RARB: variants seen among roughly 807,000 people sequenced by gnomAD.
The protein encoded by RARB is HBV-activated protein.
Under a neutral mutation model 51.9 loss-of-function variants are expected in RARB, and 17 were observed. That is an observed-to-expected ratio of 0.33 (90% CI 0.22 to 0.49). RARB has a LOEUF of 0.49. RARB is among the 20% of genes least tolerant of loss of function. The pLI, the probability that RARB is intolerant of heterozygous loss-of-function variation, is 0.99. For missense variants in RARB, 369 were observed against 550.8 expected (o/e 0.67, Z 3.30); for synonymous variants, 215 against 195.4 (o/e 1.10, Z -0.84).
At position 25,114,397 on chromosome 3, in the gene RARB, G is replaced by GT. The variant is rs140047943; in HGVS notation, c.-327-17761dup. Reference sequence around the variant, plus strand: ...TGGAAATAATTGAGAGTTTTCACTAGTTTGAAGATGCTCTGAAAGTATCCT... The same window carrying GT: ...TGGAAATAATTGAGAGTTTTCACTAGTTTTGAAGATGCTCTGAAAGTATCCT... On this transcript the variant is annotated intron_variant, in intron 3 of 11. Coordinates refer to the RARB transcript ENST00000383772. Among the ~76,000 whole-genome samples the GT allele has an allele frequency of 3.2e-3, 483 of 152,168 alleles. 3 individuals carry two copies. In the East Asian group the frequency reaches 0.036, roughly 11 times the overall value.
intron 4 of RARB, among the ~76,000 whole-genome samples, chr3:25,169,420 G>T (rs996194810): frequency 1.3e-5 from 2 of 152,060 alleles, no homozygotes; most frequent in African/African-American, 4.8e-5. Context: ...ACTTAGCAAA[G>T]AATTATTCAC....
chr3:25,470,477 T>C (rs927497584), intron 2 of RARB, among the ~76,000 whole-genome samples: 6 of 152,236 alleles, frequency 3.9e-5, no homozygotes, highest in Non-Finnish European at 8.8e-5. Context: ...ATAGAAGATG[T>C]GATTTTATAG....
chr3:24,899,520 G>C (rs1233324609), intron 2 of RARB, among the ~76,000 whole-genome samples: 2 of 152,130 alleles, frequency 1.3e-5, no homozygotes, highest in East Asian at 3.9e-4. Context: ...CTTGACATCA[G>C]TCTCTCTCCC....
intron 5 of RARB, among the ~76,000 whole-genome samples, chr3:25,293,811 G>T (rs1426796161): frequency 1.3e-5 from 2 of 152,072 alleles, no homozygotes; most frequent in Non-Finnish European, 2.9e-5. Context: ...AACTGGTTCT[G>T]CTCACCTACC....
In RARB at chr3:25,123,652, T is replaced by G. The variant is rs532806714; in HGVS notation, c.-327-8509T>G. Reference sequence around the variant, plus strand: ...CCTTGCAAACTAAAAACTTCTTGTTTAAGCTCATCTCTTTCTTGTAATAGC... The same window carrying G: ...CCTTGCAAACTAAAAACTTCTTGTTGAAGCTCATCTCTTTCTTGTAATAGC... On this transcript the variant is annotated intron_variant, in intron 3 of 11. Transcript: ENST00000383772. 7.2e-4 allele frequency among the ~76,000 whole-genome samples: 110 copies of G among 152,300 alleles called. 3 individuals are homozygous for G. The South Asian group carries it at 0.021, about 29-fold the overall frequency.
chr3:24,882,192 G>C (rs758429882), intron 2 of RARB, among the ~76,000 whole-genome samples: 2 of 152,162 alleles, frequency 1.3e-5, no homozygotes, highest in Non-Finnish European at 2.9e-5. Context: ...TTTTAAAGAA[G>C]ATATAGCAGA....
At chr3:25,008,487 C>G (rs192240647) in intron 2 of RARB, among the ~76,000 whole-genome samples, 4 of 152,044 alleles carry the variant, frequency 2.6e-5, no homozygotes, top group Non-Finnish European at 5.9e-5. Flanking sequence ...GAGTAGCTAC[C>G]TTATCCTTTC....
chr3:25,225,268 A>G (rs921868018), intron 5 of RARB, among the ~76,000 whole-genome samples: 2 of 151,742 alleles, frequency 1.3e-5, no homozygotes, highest in Non-Finnish European at 2.9e-5. Flanking sequence ...TTAATTAAAG[A>G]AGACTTCAAG....
intron 3 of RARB, among the ~76,000 whole-genome samples, chr3:25,511,108 A>G (rs939229252): frequency 6.7e-6 from 1 of 150,014 alleles, no homozygotes; most frequent in Admixed American, 6.6e-5. Flanking sequence ...TGACCTGAAA[A>G]CCCTGTTTAT....
intron 5 of RARB, among the ~76,000 whole-genome samples, chr3:25,278,393 C>T (rs1342328053): frequency 6.6e-6 from 1 of 152,202 alleles, no homozygotes; most frequent in Non-Finnish European, 1.5e-5. Flanking sequence ...GACAGTCCAA[C>T]AGCGTTCTTG....
intron 5 of RARB, among the ~76,000 whole-genome samples, chr3:25,190,854 T>C (rs967662014): frequency 1.3e-5 from 2 of 152,116 alleles, no homozygotes; most frequent in African/African-American, 4.8e-5. Context: ...ACTTGGAGTT[T>C]TTATGATGTT....
In RARB at chr3:25,411,960, G is replaced by A. The variant is rs549389847; in HGVS notation, c.179-49233G>A. 8.5e-5 allele frequency among the ~76,000 whole-genome samples: 13 copies of A among 152,350 alleles called. No individual in the cohort carries two copies. The East Asian group carries it at 9.6e-4, about 11-fold the overall frequency. ...TAGGAAGAGGGCAGAAGCAGCTGAC[G>A]TTGGGGAAATGGAAAACTGCAAGTG... is the stretch of plus-strand genomic sequence containing the variant. On this transcript the variant is annotated intron_variant, in intron 5 of 11. Transcript: ENST00000383772.
At chr3:25,398,456 T>C (rs1291009214) in intron 5 of RARB, among the ~76,000 whole-genome samples, 1 of 152,222 alleles carries the variant, frequency 6.6e-6, no homozygotes, top group East Asian at 1.9e-4. Flanking sequence ...AGAAAAGATG[T>C]GCCCAACTTT....
At chr3:25,476,297 C>T (rs549870727) in intron 2 of RARB, among the ~76,000 whole-genome samples, 5 of 152,272 alleles carry the variant, frequency 3.3e-5, no homozygotes, top group African/African-American at 1.2e-4. Context: ...TTCCCATAAC[C>T]ATGTGGTTCT....
chr3:25,328,669 G>A (rs1343170076), intron 5 of RARB, among the ~76,000 whole-genome samples: 1 of 151,668 alleles, frequency 6.6e-6, no homozygotes, highest in Non-Finnish European at 1.5e-5. Flanking sequence ...TCATCTCATT[G>A]GGGCTTGTCA....
intron 4 of RARB, among the ~76,000 whole-genome samples, chr3:25,577,347 G>A (rs1317343229): frequency 1.3e-5 from 2 of 152,174 alleles, no homozygotes; most frequent in African/African-American, 2.4e-5. Flanking sequence ...ATGTAGAACA[G>A]TGCCTGGCAC....
chr3:25,304,791 C>T (rs1189350095), intron 5 of RARB, among the ~76,000 whole-genome samples: 3 of 152,162 alleles, frequency 2.0e-5, no homozygotes, highest in Non-Finnish European at 4.4e-5. Context: ...CAAGTCATGT[C>T]CCTCCCTATT....
chr3:25,273,116 T>TG (rs975205928), intron 5 of RARB, among the ~76,000 whole-genome samples: 2 of 152,128 alleles, frequency 1.3e-5, no homozygotes, highest in Admixed American at 6.5e-5. Context: ...CTCAATGTAT[T>TG]GGGGGAACAG....
At chr3:24,843,631 G>A (rs1289715167) in intron 1 of RARB, among the ~76,000 whole-genome samples, 1 of 151,996 alleles carries the variant, frequency 6.6e-6, no homozygotes, top group African/African-American at 2.4e-5. Context: ...AAAATTAGAC[G>A]AGCCTTTTAC....
Sources: allele counts gnomAD v4.1 joint callset (sites outside exome capture counted in the v4.1 genomes callset), GRCh38; gene constraint gnomAD v4.1.1; transcripts MANE v1.5; gene names NCBI Gene and HGNC (gene_info 2026-07-23, HGNC 2026-07-21).